BBX: variants seen among roughly 807,000 people sequenced by gnomAD.
The protein encoded by BBX is BBX high mobility group box domain containing.
BBX carries 30 observed loss-of-function variants against 100.2 expected under a neutral mutation model. The observed-to-expected ratio is 0.30, with a 90% CI of 0.22 to 0.41. The LOEUF (loss-of-function observed/expected upper bound fraction) is 0.41. Ranked by LOEUF, BBX falls within the 10% of genes least tolerant of loss-of-function variation. The pLI, the probability that BBX is intolerant of heterozygous loss-of-function variation, is 1.00. For synonymous variants in BBX, 376 were observed against 388.1 expected (o/e 0.97, Z 0.37); for missense variants, 1,023 against 1,129.8 (o/e 0.91, Z 1.35).
intron 2 of BBX, among the ~76,000 whole-genome samples, chr3:107,578,404 A>G (rs55815455): frequency 0.3 from 45,646 of 152,132 alleles, 8,460 homozygotes; most frequent in South Asian, 0.48. Flanking sequence ...GTGAGGACGC[A>G]GACTTGACTG....
intron 2 of BBX, among the ~76,000 whole-genome samples, chr3:107,574,264 T>C (rs1447209501): frequency 1.3e-5 from 2 of 152,086 alleles, no homozygotes; most frequent in East Asian, 3.8e-4. Context: ...CCTGGAAAGG[T>C]TAGGTAGGTA....
chr3:107,687,987 G>A (rs772356285), intron 3 of BBX, among the ~76,000 whole-genome samples: 9 of 152,058 alleles, frequency 5.9e-5, no homozygotes, highest in Admixed American at 3.9e-4. Flanking sequence ...CCCGGGAGGC[G>A]GAGGTTGCAG....
rs540903997 is a variant in BBX, at chr3:107,657,505, C to T, written c.-10+11596C>T. ...AATCAATTTAGAAACTATTAATCTA[C>T]AGAACTTGACAATAGACTGAACTCA... On this transcript the variant is annotated intron_variant, in intron 3 of 17. Transcript: ENST00000325805. Among the ~76,000 whole-genome samples, 4 of 152,278 alleles carry T rather than the reference C, an allele frequency of 2.6e-5. No individual in the cohort carries two copies. In the South Asian group the frequency reaches 8.3e-4, roughly 32 times the overall value.
chr3:107,621,347 G>A (rs547025456), intron 2 of BBX, among the ~76,000 whole-genome samples: 1 of 152,196 alleles, frequency 6.6e-6, no homozygotes, highest in East Asian at 1.9e-4. Context: ...CCAAAGTCCC[G>A]AGCTTCTCTG....
At chr3:107,602,669 A>G (rs1354493927) in intron 2 of BBX, among the ~76,000 whole-genome samples, 2 of 152,234 alleles carry the variant, frequency 1.3e-5, no homozygotes, top group Non-Finnish European at 2.9e-5. Flanking sequence ...CCATCAGTGG[A>G]AAGGATAACT....
chr3:107,565,443 T>TTTAATTTA (rs1553727727), intron 2 of BBX, among the ~76,000 whole-genome samples: 1 of 136,966 alleles, frequency 7.3e-6, no homozygotes, highest in Non-Finnish European at 1.6e-5. Flanking sequence ...AATAGTTTTA[T>TTTAATTTA]TTTATTTATT....
intron 7 of BBX, among the ~76,000 whole-genome samples, chr3:107,736,546 C>A (rs1228849029): frequency 1.3e-5 from 2 of 151,626 alleles, no homozygotes; most frequent in Admixed American, 6.6e-5. Flanking sequence ...TGTTTTATAC[C>A]ACAGAGTTAT....
intron 8 of BBX, among the ~76,000 whole-genome samples, chr3:107,745,695 C>G (rs1422035725): frequency 6.6e-6 from 1 of 151,934 alleles, no homozygotes; most frequent in Non-Finnish European, 1.5e-5. Context: ...CTCAGGCGAT[C>G]GTCCCACCTC....
intron 2 of BBX, among the ~76,000 whole-genome samples, chr3:107,542,052 G>A (rs2048903815): frequency 6.6e-6 from 1 of 152,140 alleles, no homozygotes; most frequent in Non-Finnish European, 1.5e-5. Context: ...CCAGAAGCCA[G>A]TAAGAGAACC....
At chr3:107,658,944 T>G (rs1172445308) in intron 3 of BBX, among the ~76,000 whole-genome samples, 1 of 152,176 alleles carries the variant, frequency 6.6e-6, no homozygotes, top group Non-Finnish European at 1.5e-5. Flanking sequence ...ATGATGTATC[T>G]GAAATTTGAC....
At chr3:107,689,933 T>C (rs2060055727) in intron 3 of BBX, among the ~76,000 whole-genome samples, 1 of 152,166 alleles carries the variant, frequency 6.6e-6, no homozygotes, top group African/African-American at 2.4e-5. Context: ...CTGAGGCGCC[T>C]CTCAAATGGG....
intron 8 of BBX, among the ~76,000 whole-genome samples, chr3:107,746,958 A>G (rs964736286): frequency 1.3e-5 from 2 of 152,180 alleles, no homozygotes; most frequent in African/African-American, 4.8e-5. Context: ...GGGATTGGGA[A>G]TGGGCTGAAG....
At chr3:107,783,247 C>A (rs1350760276) in intron 13 of BBX, among the ~76,000 whole-genome samples, 3 of 151,862 alleles carry the variant, frequency 2.0e-5, no homozygotes, top group Non-Finnish European at 4.4e-5. Context: ...TTGTCACTTT[C>A]TTTTTTCATC....
chr3:107,657,680 T>C (rs1416210771), intron 3 of BBX, among the ~76,000 whole-genome samples: 1 of 151,978 alleles, frequency 6.6e-6, no homozygotes, highest in Non-Finnish European at 1.5e-5. Flanking sequence ...TACTGATTTG[T>C]GGGAGGGGGA....
intron 3 of BBX, chr3:107,677,421 A>G (rs2059337007): frequency 6.6e-6 from 1 of 152,098 alleles, no homozygotes; most frequent in Non-Finnish European, 1.5e-5. Context: ...TATTTTTCAA[A>G]TACAGATGCT....
chr3:107,594,718 G>A (rs1485829894), intron 2 of BBX, among the ~76,000 whole-genome samples: 1 of 151,952 alleles, frequency 6.6e-6, no homozygotes, highest in Non-Finnish European at 1.5e-5. Context: ...AGATTTAAAT[G>A]AATTAACACA....
chr3:107,557,885 A>G (rs1299189747), intron 2 of BBX, among the ~76,000 whole-genome samples: 1 of 152,246 alleles, frequency 6.6e-6, no homozygotes, highest in Non-Finnish European at 1.5e-5. Flanking sequence ...AGGAATGTTT[A>G]GTAATATTAG....
chr3:107,775,005 C>T, intron 12 of BBX, 148 bp downstream of exon 12: 1 of 865,208 alleles, frequency 1.2e-6, no homozygotes, highest in East Asian at 2.8e-5. Flanking sequence ...CCCTAGTGAA[C>T]ACAAATCAAG....
At chr3:107,620,115 CTT>C (rs1169184258) in intron 2 of BBX, among the ~76,000 whole-genome samples, 1 of 150,906 alleles carries the variant, frequency 6.6e-6, no homozygotes, top group Non-Finnish European at 1.5e-5. Context: ...TGGGTAATTT[CTT>C]TTGTTTTATT....
Sources: allele counts gnomAD v4.1 joint callset (sites outside exome capture counted in the v4.1 genomes callset), GRCh38; gene constraint gnomAD v4.1.1; transcripts MANE v1.5; gene names NCBI Gene and HGNC (gene_info 2026-07-23, HGNC 2026-07-21).